APLP2: variants seen among roughly 807,000 people sequenced by gnomAD.
APLP2 encodes CDEI box-binding protein.
A neutral mutation model predicts 89.9 loss-of-function variants in APLP2; 53 were observed. The ratio of observed to expected loss-of-function variants is 0.59; its 90% CI spans 0.47 to 0.74. The LOEUF (loss-of-function observed/expected upper bound fraction) is 0.74, where lower values mean the gene tolerates loss of function less well. APLP2 is among the 30% of genes least tolerant of loss of function. The pLI, the probability that APLP2 is intolerant of heterozygous loss-of-function variation, is 0.00. For synonymous variants in APLP2, 372 were observed against 348.6 expected (o/e 1.07, Z -0.75); for missense variants, 973 against 975.9 (o/e 1.00, Z 0.04).
intron 11 of APLP2, 137 bp downstream of exon 11, chr11:130,130,303 C>CA (rs1434497719): frequency 1.7e-6 from 2 of 1,206,838 alleles, no homozygotes; most frequent in Non-Finnish European, 2.3e-6. Flanking sequence ...TTTCCGAAGA[C>CA]ATTCGGTACG....
At chr11:130,075,606 G>A (rs908312441) in intron 1 of APLP2, among the ~76,000 whole-genome samples, 1 of 152,162 alleles carries the variant, frequency 6.6e-6, no homozygotes, top group Middle Eastern at 3.2e-3. Flanking sequence ...TGATTCTAAT[G>A]TGCAAGGAGA....
chr11:130,107,070 GTT>G (rs1296926320), intron 1 of APLP2, among the ~76,000 whole-genome samples: 1 of 152,184 alleles, frequency 6.6e-6, no homozygotes, highest in Non-Finnish European at 1.5e-5. Context: ...CTTTTTGTGA[GTT>G]TTAACTCTTG....
chr11:130,121,335 T>C (rs930060027), intron 4 of APLP2, among the ~76,000 whole-genome samples: 2 of 152,252 alleles, frequency 1.3e-5, no homozygotes, highest in African/African-American at 2.4e-5. Flanking sequence ...TATCTGGCTT[T>C]AGTCATTATT....
chr11:130,135,804 T>C (rs908004374), intron 13 of APLP2, 89 bp downstream of exon 13: 7 of 1,499,098 alleles, frequency 4.7e-6, no homozygotes, highest in East Asian at 4.6e-5. Context: ...CCAAATTGAG[T>C]TGGGAGATGG....
intron 1 of APLP2, among the ~76,000 whole-genome samples, chr11:130,093,284 A>G (rs1945701204): frequency 6.6e-6 from 1 of 152,210 alleles, no homozygotes; most frequent in South Asian, 2.1e-4. Context: ...ATCACCAAAG[A>G]CTTCAGGAAC....
intron 13 of APLP2, among the ~76,000 whole-genome samples, chr11:130,136,673 G>A (rs932099189): frequency 4.6e-5 from 7 of 152,128 alleles, no homozygotes; most frequent in Non-Finnish European, 8.8e-5. Flanking sequence ...CTAAACTAGC[G>A]ATCCCAGAGC....
chr11:130,102,968 A>G (rs151138844), intron 1 of APLP2, among the ~76,000 whole-genome samples: 93 of 152,360 alleles, frequency 6.1e-4, no homozygotes, highest in African/African-American at 2.2e-3. Context: ...TGCATAGATC[A>G]CAAGGACTGG....
Position 130,086,680 on chromosome 11 carries a change from T to C in APLP2, c.105+16598T>C, listed in dbSNP as rs535388652. ...CTCTTAAGCTTAGGTCTTTGATCCATTTTGAGTTCAGTTTTGTATATGGTT... is the reference window on the plus strand; with the variant it reads ...CTCTTAAGCTTAGGTCTTTGATCCACTTTGAGTTCAGTTTTGTATATGGTT... On this transcript the variant is annotated intron_variant, in intron 1 of 16. Transcript: ENST00000338167. Among the ~76,000 whole-genome samples, 14 of 152,328 alleles carry C rather than the reference T, an allele frequency of 9.2e-5. No individual in the cohort carries two copies. The South Asian group carries it at 2.7e-3, about 29-fold the overall frequency.
chr11:130,077,624 C>A (rs7116178), intron 1 of APLP2, among the ~76,000 whole-genome samples: 9,431 of 144,924 alleles, frequency 0.065, 745 homozygotes, highest in African/African-American at 0.2. Context: ...AAAAAAAAAA[C>A]AAAAAACCAC....
Position 130,069,900 on chromosome 11 carries a change from T to C in APLP2, c.-78T>C. On this transcript the variant is annotated 5_prime_UTR_variant, in exon 1 of 17. Transcript: ENST00000338167. ...GCGGCGGCGAACTGGCTTTAGATGC[T>C]TCTGGGTCGCGGTGTGCTAAGCGAG... The C allele has an allele frequency of 8.8e-7, 1 of 1,136,992 alleles. No homozygotes were observed. Among genetic ancestry groups the C allele is most frequent in the East Asian group, 3.1e-5 (1 of 32,718 alleles). 70.4% of individuals were successfully genotyped at this position (1,136,992 alleles called of 1,614,324 possible). A position where few individuals can be genotyped will look rare whatever the true frequency, so the allele number is the denominator to read the frequency against.
intron 1 of APLP2, among the ~76,000 whole-genome samples, chr11:130,099,867 G>C (rs1946676236): frequency 6.6e-6 from 1 of 152,200 alleles, no homozygotes. Flanking sequence ...TGATGATGAT[G>C]GTGATGCTAA....
In APLP2 at chr11:130,127,064, C is replaced by CTT. The variant is rs34915276; in HGVS notation, c.1221+250_1221+251dup. On this transcript the variant is annotated intron_variant, in intron 8 of 16. Coordinates refer to ENST00000338167, the MANE Select transcript of APLP2 (RefSeq NM_001142276.2). ...AGCACTTCCTATACCATTATCTGCC[C>CTT]TTTTTTTTTTTTTTTTTGCCATTAA... 7.4e-3 allele frequency among the ~76,000 whole-genome samples: 939 copies of CTT among 127,264 alleles called. 15 individuals are homozygous for CTT. The highest frequency in any genetic ancestry group is 0.052 in the East Asian group (233 of 4,482). The allele number at this position is 127,264 out of a possible 152,430, so 83.5% of individuals were successfully genotyped here.
intron 10 of APLP2, among the ~76,000 whole-genome samples, chr11:130,129,635 C>T (rs1274073000): frequency 6.6e-6 from 1 of 152,186 alleles, no homozygotes; most frequent in Non-Finnish European, 1.5e-5. Flanking sequence ...TTAACACTAA[C>T]CTGCCTTGCT....
chr11:130,129,238 A>C, intron 10 of APLP2, 32 bp downstream of exon 10: 1 of 1,594,664 alleles, frequency 6.3e-7, no homozygotes, highest in Non-Finnish European at 8.6e-7. Context: ...GCCTGCCCTG[A>C]GGTGGTATAT....
intron 1 of APLP2, among the ~76,000 whole-genome samples, chr11:130,093,240 G>C (rs964402642): frequency 1.3e-5 from 2 of 152,178 alleles, no homozygotes; most frequent in Non-Finnish European, 2.9e-5. Flanking sequence ...TCTTCTTAGT[G>C]TTCCCTTCTT....
At chr11:130,132,707 A>C (rs1423436490) in intron 11 of APLP2, among the ~76,000 whole-genome samples, 1 of 152,028 alleles carries the variant, frequency 6.6e-6, no homozygotes, top group African/African-American at 2.4e-5. Flanking sequence ...CCTTAAAATC[A>C]GGTTTATTTA....
At chr11:130,135,447 G>C in intron 12 of APLP2, 116 bp from the exon 13 acceptor site, 1 of 1,208,030 alleles carries the variant, frequency 8.3e-7, no homozygotes, top group Non-Finnish European at 1.2e-6. Context: ...ATCAAGGAAG[G>C]TGTTTCAGGC....
intron 5 of APLP2, 111 bp from the exon 6 acceptor site, chr11:130,122,194 T>G: frequency 5.5e-5 from 71 of 1,282,514 alleles, no homozygotes; most frequent in Non-Finnish European, 6.9e-5. Context: ...AAATGTGCGT[T>G]GAGCTTATTT....
At position 130,126,816 on chromosome 11, in the gene APLP2, A is replaced by C. The variant is rs749671387; in HGVS notation, c.1207A>C (p.Asn403His). Reference protein sequence around the residue: ...AKEQLEIRHRNRMDRVKKEWE... With the variant: ...AKEQLEIRHRHRMDRVKKEWE... ...GGAGCAGCTGGAGATTCGGCACCGC[A>C]ACCGAATGGACAGGGTAAACCTTGA... Residue 403 changes from asparagine to histidine, a missense_variant, in exon 8 of 17, where the codon AAC (asparagine) becomes CAC (histidine). Physicochemically the swap from Asn to His is moderately conservative, Grantham distance 68. Transcript: ENST00000338167. The C allele has an allele frequency of 7.4e-6, 12 of 1,614,226 alleles. No homozygotes were observed. Among genetic ancestry groups the C allele is most frequent in the Non-Finnish European group, 1.0e-5 (12 of 1,180,046 alleles).
Sources: allele counts gnomAD v4.1 joint callset (sites outside exome capture counted in the v4.1 genomes callset), GRCh38; gene constraint gnomAD v4.1.1; transcripts MANE v1.5; gene names NCBI Gene and HGNC (gene_info 2026-07-23, HGNC 2026-07-21).